Variants in RSRC1 observed in about 807,000 individuals in gnomAD.
RSRC1 encodes serine/Arginine-related protein 53.
RSRC1 carries 39 observed loss-of-function variants against 49.1 expected under a neutral mutation model. The ratio of observed to expected loss-of-function variants is 0.79; its 90% CI spans 0.61 to 1.04. RSRC1 has a LOEUF of 1.04. RSRC1 is among the 50% of genes least tolerant of loss of function. The pLI is 0.00. For synonymous variants in RSRC1, 143 were observed against 130.8 expected, an observed-to-expected ratio of 1.09 and a Z score of -0.63; for missense variants, 388 against 402.4, an observed-to-expected ratio of 0.96 and a Z score of 0.31.
intron 2 of RSRC1, 90 bp downstream of exon 2, chr3:158,122,388 A>G: frequency 9.5e-7 from 1 of 1,048,522 alleles, no homozygotes; most frequent in Non-Finnish European, 1.3e-6. Flanking sequence ...TAGATAAAAC[A>G]TTTTTCTTTT....
intron 6 of RSRC1, among the ~76,000 whole-genome samples, chr3:158,426,379 A>C (rs930590489): frequency 6.6e-5 from 10 of 151,760 alleles, no homozygotes; most frequent in African/African-American, 1.9e-4. Context: ...AAGAAAAAAA[A>C]AATCTTAGAG....
intron 3 of RSRC1, among the ~76,000 whole-genome samples, chr3:158,174,976 A>G (rs985091615): frequency 5.3e-5 from 8 of 152,058 alleles, no homozygotes; most frequent in African/African-American, 1.7e-4. Context: ...ATCCCTGCCA[A>G]CATTTGCTAT....
chr3:158,254,731 C>T (rs901863011), intron 4 of RSRC1, among the ~76,000 whole-genome samples: 8 of 151,536 alleles, frequency 5.3e-5, no homozygotes, highest in East Asian at 1.9e-4. Flanking sequence ...CGCACCTGGC[C>T]GTTTCCTGAC....
chr3:158,202,690 G>A (rs1721127369), intron 3 of RSRC1, among the ~76,000 whole-genome samples: 1 of 150,422 alleles, frequency 6.6e-6, no homozygotes, highest in South Asian at 2.1e-4. Flanking sequence ...TATTTATATT[G>A]GAACAATTAG....
chr3:158,165,150 T>C (rs1294163410), intron 3 of RSRC1, among the ~76,000 whole-genome samples: 2 of 152,182 alleles, frequency 1.3e-5, no homozygotes, highest in African/African-American at 4.8e-5. Flanking sequence ...TTCATCTTAA[T>C]GAACACATTA....
At chr3:158,159,809 CATT>C (rs1305581246) in intron 3 of RSRC1, among the ~76,000 whole-genome samples, 6 of 151,966 alleles carry the variant, frequency 3.9e-5, no homozygotes, top group African/African-American at 1.5e-4. Flanking sequence ...CTGATGAGAT[CATT>C]ATTTGACTTA....
intron 7 of RSRC1, among the ~76,000 whole-genome samples, chr3:158,510,164 A>C (rs1040081952): frequency 6.6e-6 from 1 of 152,146 alleles, no homozygotes; most frequent in Non-Finnish European, 1.5e-5. Flanking sequence ...ATAAAATGTT[A>C]TCTGATTTTG....
intron 7 of RSRC1, among the ~76,000 whole-genome samples, chr3:158,528,094 A>G (rs7620927): frequency 0.52 from 78,293 of 151,558 alleles, 20,681 homozygotes; most frequent in African/African-American, 0.62. Flanking sequence ...ATGGATGTTC[A>G]TTATATATAA....
intron 1 of RSRC1, among the ~76,000 whole-genome samples, chr3:158,111,709 T>G (rs967795506): frequency 2.0e-5 from 3 of 152,254 alleles, no homozygotes; most frequent in Non-Finnish European, 4.4e-5. Context: ...TTTTCACTTT[T>G]TCTGGCCATG....
At chr3:158,455,645 G>T (rs1737269412) in intron 6 of RSRC1, among the ~76,000 whole-genome samples, 1 of 152,044 alleles carries the variant, frequency 6.6e-6, no homozygotes, top group Admixed American at 6.6e-5. Flanking sequence ...AAGTGAAACA[G>T]CCATGGAGGG....
intron 6 of RSRC1, among the ~76,000 whole-genome samples, chr3:158,357,332 T>C (rs1330480810): frequency 6.6e-6 from 1 of 152,196 alleles, no homozygotes; most frequent in Non-Finnish European, 1.5e-5. Flanking sequence ...TTTGCACCAA[T>C]TTAATAGAAT....
At chr3:158,276,416 A>G in intron 4 of RSRC1, 1 of 752,752 alleles carries the variant, frequency 1.3e-6, no homozygotes. Flanking sequence ...GCTTGTATGC[A>G]CCCATCTTGG....
chr3:158,422,438 G>A (rs1447995351), intron 6 of RSRC1, among the ~76,000 whole-genome samples: 3 of 151,578 alleles, frequency 2.0e-5, no homozygotes, highest in Admixed American at 2.0e-4. Flanking sequence ...GTATTCCATG[G>A]TGTATATGTG....
At chr3:158,238,022 C>T (rs148458445) in intron 4 of RSRC1, among the ~76,000 whole-genome samples, 4 of 152,146 alleles carry the variant, frequency 2.6e-5, no homozygotes, top group Non-Finnish European at 5.9e-5. Context: ...AGCAAAGTCT[C>T]AGGATACAAA....
chr3:158,445,528 C>G (rs114632728), intron 6 of RSRC1, among the ~76,000 whole-genome samples: 2 of 151,874 alleles, frequency 1.3e-5, no homozygotes, highest in Non-Finnish European at 2.9e-5. Flanking sequence ...CGGGGAGGGA[C>G]AGCATTAGGA....
intron 6 of RSRC1, among the ~76,000 whole-genome samples, chr3:158,458,237 T>C (rs1168743440): frequency 6.6e-6 from 1 of 152,168 alleles, no homozygotes; most frequent in Non-Finnish European, 1.5e-5. Context: ...ACATCCATGT[T>C]AATTTCTAAA....
chr3:158,119,919 C>G (rs1316155355), intron 1 of RSRC1, among the ~76,000 whole-genome samples: 1 of 151,084 alleles, frequency 6.6e-6, no homozygotes, highest in African/African-American at 2.4e-5. Flanking sequence ...CAACCTCCGC[C>G]TCCCAGGTTC....
chr3:158,267,856 A>ATTT (rs1225404876), intron 4 of RSRC1, among the ~76,000 whole-genome samples: 4 of 34,616 alleles, frequency 1.2e-4, no homozygotes, highest in African/African-American at 4.9e-4. Context: ...TTGTTTCCAT[A>ATTT]TCTATTTTTT....
intron 4 of RSRC1, among the ~76,000 whole-genome samples, chr3:158,294,893 G>C (rs1014954717): frequency 6.6e-6 from 1 of 152,076 alleles, no homozygotes; most frequent in Non-Finnish European, 1.5e-5. Context: ...ACCTGAGCTG[G>C]TTGCTACTGA....
Sources: allele counts gnomAD v4.1 joint callset (sites outside exome capture counted in the v4.1 genomes callset), GRCh38; gene constraint gnomAD v4.1.1; transcripts MANE v1.5; gene names NCBI Gene and HGNC (gene_info 2026-07-23, HGNC 2026-07-21).